ADGRL2: variants seen among roughly 807,000 people sequenced by gnomAD.
ADGRL2 encodes adhesion G protein-coupled receptor L2.
ADGRL2 carries 44 observed loss-of-function variants against 157.4 expected under a neutral mutation model. That is an observed-to-expected ratio of 0.28 (90% confidence interval 0.22 to 0.36). The LOEUF (loss-of-function observed/expected upper bound fraction) is 0.36. Among genes scored for constraint, ADGRL2 ranks in the 10% least tolerant of loss-of-function variants. ADGRL2 has a pLI of 1.00. For missense variants in ADGRL2, 1,510 were observed against 1,768.9 expected (o/e 0.85, Z 2.63); for synonymous variants, 585 against 624.7 (o/e 0.94, Z 0.95).
intron 2 of ADGRL2, among the ~76,000 whole-genome samples, chr1:81,508,832 G>C (rs984022055): frequency 3.3e-5 from 5 of 152,156 alleles, no homozygotes; most frequent in South Asian, 2.1e-4. Context: ...AACCTTTAGA[G>C]GGTGAAATAT....
intron 23 of ADGRL2, chr1:81,988,418 TGCTA>T (rs1379160519): frequency 6.6e-6 from 1 of 151,874 alleles, no homozygotes; most frequent in Non-Finnish European, 1.5e-5. Context: ...AGGAAACAAA[TGCTA>T]GCAAGTGAGC....
At position 81,878,259 on chromosome 1, in the gene ADGRL2, G is replaced by C. The variant is rs141417969; in HGVS notation, c.74-28758G>C. ...TAACATATCTAACATGAGGAACATA[G>C]ATAGGGGACAGCCTATCTATGTTTG... On this transcript the variant is annotated intron_variant, in intron 2 of 23. Coordinates refer to ENST00000686636, the MANE Select transcript of ADGRL2 (RefSeq NM_001366006.2). 3.4e-3 allele frequency among the ~76,000 whole-genome samples: 515 copies of C among 152,230 alleles called. 8 individuals carry two copies. Among genetic ancestry groups the C allele is most frequent in the South Asian group, 0.033 (160 of 4,820 alleles).
intron 2 of ADGRL2, among the ~76,000 whole-genome samples, chr1:81,519,875 C>G (rs1359760535): frequency 3.3e-5 from 5 of 152,174 alleles, no homozygotes; most frequent in Non-Finnish European, 5.9e-5. Context: ...ATAGTCCAAG[C>G]TGATAAGAGC....
chr1:81,725,123 T>C (rs564633344), intron 1 of ADGRL2, among the ~76,000 whole-genome samples: 1 of 148,276 alleles, frequency 6.7e-6, no homozygotes, highest in Non-Finnish European at 1.5e-5. Context: ...AAGAATTGCT[T>C]GAACCCGGGA....
intron 1 of ADGRL2, among the ~76,000 whole-genome samples, chr1:81,822,440 A>G (rs1451255363): frequency 6.6e-6 from 1 of 151,562 alleles, no homozygotes; most frequent in Non-Finnish European, 1.5e-5. Flanking sequence ...TAATATTTTT[A>G]GTGTACTTTG....
intron 2 of ADGRL2, among the ~76,000 whole-genome samples, chr1:81,461,930 A>AG (rs71693648): frequency 0.16 from 10,882 of 66,618 alleles, 1,664 homozygotes; most frequent in Non-Finnish European, 0.21. Context: ...AAAAGAAGAA[A>AG]GGGGGGGGGG....
At chr1:81,856,830 A>G (rs2150660370) in intron 2 of ADGRL2, among the ~76,000 whole-genome samples, 1 of 152,278 alleles carries the variant, frequency 6.6e-6, no homozygotes, top group African/African-American at 2.4e-5. Context: ...TAGGGCCTTA[A>G]TATTCCATGA....
intron 1 of ADGRL2, among the ~76,000 whole-genome samples, chr1:81,344,882 A>G (rs1662369406): frequency 6.6e-6 from 1 of 152,094 alleles, no homozygotes; most frequent in Admixed American, 6.5e-5. Context: ...CATTAAGGTA[A>G]ACAAAAATAT....
At chr1:81,556,151 C>T (rs1390728560) in intron 2 of ADGRL2, among the ~76,000 whole-genome samples, 2 of 152,036 alleles carry the variant, frequency 1.3e-5, no homozygotes, top group Admixed American at 6.6e-5. Context: ...TTTGAGAGCT[C>T]TGGAAGCATT....
intron 2 of ADGRL2, among the ~76,000 whole-genome samples, chr1:81,788,670 C>G (rs193197042): frequency 6.6e-6 from 1 of 152,092 alleles, no homozygotes; most frequent in South Asian, 2.1e-4. Flanking sequence ...AGCTAATATA[C>G]ACCAAATGCT....
intron 2 of ADGRL2, among the ~76,000 whole-genome samples, chr1:81,485,543 C>T (rs1162750376): frequency 6.6e-6 from 1 of 151,918 alleles, no homozygotes; most frequent in Non-Finnish European, 1.5e-5. Context: ...TATTTCTGTG[C>T]CTTGGTTTAA....
At chr1:81,413,849 C>G (rs1482857390) in intron 1 of ADGRL2, among the ~76,000 whole-genome samples, 1 of 152,134 alleles carries the variant, frequency 6.6e-6, no homozygotes, top group Non-Finnish European at 1.5e-5. Flanking sequence ...TATATTTACC[C>G]TCTGACACTG....
Position 81,992,086 on chromosome 1 carries a change from A to C in ADGRL2, c.*941A>C, listed in dbSNP as rs1664668260. ...GTCATGCCTTGCACAAAAGTGATGAAATCTAGAAAAGATTGTGTGTCACCC... is the reference window on the plus strand; with the variant it reads ...GTCATGCCTTGCACAAAAGTGATGACATCTAGAAAAGATTGTGTGTCACCC... On this transcript the variant is annotated 3_prime_UTR_variant, in exon 24 of 24. Transcript: ENST00000686636. 1 of 152,610 alleles carries C rather than the reference A, an allele frequency of 6.6e-6. No individual in the cohort carries two copies. The highest frequency in any genetic ancestry group is 1.5e-5 in the Non-Finnish European group (1 of 68,038). The allele number at this position is 152,610 out of a possible 1,614,324, so 9.5% of individuals were successfully genotyped here. A position where few individuals can be genotyped will look rare whatever the true frequency, so the allele number is the denominator to read the frequency against.
chr1:81,797,399 A>C (rs2087643808), upstream of ADGRL2, among the ~76,000 whole-genome samples: 1 of 152,152 alleles, frequency 6.6e-6, no homozygotes, highest in Admixed American at 6.5e-5. Flanking sequence ...TCCCTCCTTA[A>C]TAGTTTTCTA....
intron 1 of ADGRL2, among the ~76,000 whole-genome samples, chr1:81,705,836 T>C (rs1449054792): frequency 6.6e-6 from 1 of 151,844 alleles, no homozygotes; most frequent in Non-Finnish European, 1.5e-5. Flanking sequence ...AGCCCAGGAG[T>C]TCGAGATTGC....
intron 13 of ADGRL2, 49 bp from the exon 14 acceptor site, chr1:81,967,977 C>A: frequency 7.0e-7 from 1 of 1,423,328 alleles, no homozygotes; most frequent in Non-Finnish European, 9.9e-7. Context: ...TTGCTGTTGC[C>A]ATCTTAGAAT....
intron 1 of ADGRL2, among the ~76,000 whole-genome samples, chr1:81,393,824 T>C (rs1486171187): frequency 6.6e-6 from 1 of 151,530 alleles, no homozygotes; most frequent in East Asian, 1.9e-4. Flanking sequence ...CTTGCTTTTT[T>C]TTTTTTTTTG....
intron 1 of ADGRL2, among the ~76,000 whole-genome samples, chr1:81,825,057 A>G (rs911116988): frequency 5.9e-5 from 9 of 151,586 alleles, no homozygotes; most frequent in African/African-American, 1.7e-4. Flanking sequence ...TAAAATACAT[A>G]CAATAGGGCT....
intron 2 of ADGRL2, among the ~76,000 whole-genome samples, chr1:81,544,361 G>A (rs2079962231): frequency 6.6e-6 from 1 of 152,064 alleles, no homozygotes; most frequent in African/African-American, 2.4e-5. Flanking sequence ...ATCAAAATGT[G>A]TCATAAAAAT....
Sources: gnomAD v4.1 joint callset for allele counts (sites outside exome capture counted in the v4.1 genomes callset) on GRCh38, gnomAD v4.1.1 for gene constraint, MANE v1.5 for transcripts, NCBI Gene and HGNC (gene_info 2026-07-23, HGNC 2026-07-21) for gene names.